The following EFNA5 variants were observed in gnomAD, a reference collection of about 807,000 sequenced individuals.
EFNA5 encodes the protein ephrin A5.
In EFNA5, 5 loss-of-function variants were observed where a neutral mutation model predicts 22.9. The ratio of observed to expected loss-of-function variants is 0.22; its 90% CI spans 0.11 to 0.46. The LOEUF (loss-of-function observed/expected upper bound fraction) is 0.46. EFNA5 is among the 20% of genes least tolerant of loss of function. The probability of loss-of-function intolerance (pLI) is 0.99; values close to 1 mark genes in which losing one functional copy is unlikely to be tolerated. For synonymous variants in EFNA5, 113 were observed against 112.2 expected (o/e 1.01, Z -0.04); for missense variants, 237 against 293.3 (o/e 0.81, Z 1.40).
chr5:107,495,830 C>T (rs75367075), intron 1 of EFNA5, among the ~76,000 whole-genome samples: 40 of 152,200 alleles, frequency 2.6e-4, no homozygotes, highest in African/African-American at 9.4e-4. Context: ...TGGTGTTGAC[C>T]GGGTTGCTGG....
chr5:107,622,571 C>T (rs1223101480), intron 1 of EFNA5, among the ~76,000 whole-genome samples: 1 of 152,142 alleles, frequency 6.6e-6, no homozygotes, highest in Non-Finnish European at 1.5e-5. Flanking sequence ...TGAATATCTC[C>T]ATTATGCTAC....
At chr5:107,670,407 T>C in intron 1 of EFNA5, 82 bp downstream of exon 1, 2 of 1,458,224 alleles carry the variant, frequency 1.4e-6, no homozygotes, top group South Asian at 1.4e-5. Context: ...CAGCGGTTGG[T>C]GCGCGCCGAT....
At chr5:107,497,670 G>A (rs976614708) in intron 1 of EFNA5, among the ~76,000 whole-genome samples, 5 of 152,128 alleles carry the variant, frequency 3.3e-5, no homozygotes, top group African/African-American at 1.2e-4. Context: ...CCACCTCTGT[G>A]GGGACCATTA....
chr5:107,553,746 A>G (rs1366231197), intron 1 of EFNA5, among the ~76,000 whole-genome samples: 1 of 152,202 alleles, frequency 6.6e-6, no homozygotes, highest in Admixed American at 6.5e-5. Flanking sequence ...TGAGATGTTG[A>G]TTCCTTTTAT....
At chr5:107,562,535 T>A (rs1056673462) in intron 1 of EFNA5, among the ~76,000 whole-genome samples, 1 of 152,174 alleles carries the variant, frequency 6.6e-6, no homozygotes, top group Non-Finnish European at 1.5e-5. Flanking sequence ...AGTTTGAATA[T>A]AGTATAATTG....
At chr5:107,583,640 A>C (rs2112496448) in intron 1 of EFNA5, among the ~76,000 whole-genome samples, 1 of 152,298 alleles carries the variant, frequency 6.6e-6, no homozygotes, top group African/African-American at 2.4e-5. Context: ...GCAAAGACAG[A>C]GTGGACACAA....
chr5:107,640,329 T>C (rs1249808180), intron 1 of EFNA5, among the ~76,000 whole-genome samples: 1 of 151,938 alleles, frequency 6.6e-6, no homozygotes, highest in Non-Finnish European at 1.5e-5. Flanking sequence ...ATTATATCAA[T>C]GTTAAGAGAA....
intron 1 of EFNA5, among the ~76,000 whole-genome samples, chr5:107,634,639 T>A (rs1285240032): frequency 6.8e-6 from 1 of 146,302 alleles, no homozygotes; most frequent in African/African-American, 2.4e-5. Context: ...CAGTATCTGA[T>A]ATCAGGTGGA....
At chr5:107,668,135 T>C (rs1042904226) in intron 1 of EFNA5, among the ~76,000 whole-genome samples, 2 of 152,238 alleles carry the variant, frequency 1.3e-5, no homozygotes, top group Admixed American at 6.5e-5. Context: ...GTTAGGGCTG[T>C]ATCTCTTGGG....
At chr5:107,597,229 G>A (rs535011672) in intron 1 of EFNA5, among the ~76,000 whole-genome samples, 17 of 152,184 alleles carry the variant, frequency 1.1e-4, no homozygotes, top group African/African-American at 4.1e-4. Context: ...ATTAGCTATC[G>A]AAGTGAAATT....
rs1298672817 is a variant in EFNA5 at position 107,670,577 on chromosome 5, C to A, written c.37G>T (p.Val13Leu). The A allele has an allele frequency of 5.6e-6, 9 of 1,602,590 alleles. No individual in the cohort carries two copies. The highest frequency in any genetic ancestry group is 7.7e-6 in the Non-Finnish European group (9 of 1,175,100). The change falls in exon 1 of 5, where the codon GTG (valine) becomes TTG (leucine). Residue 13 changes from valine (V) to leucine (L), a missense_variant. By Grantham distance (32) the Val-to-Leu change is conservative. Transcript: ENST00000333274. ...HVEMLTLVFLVLWMCVFSQDP... is the reference protein window; with the variant it reads ...HVEMLTLVFLLLWMCVFSQDP... Reference sequence around the variant, plus strand: ...TGGCTGAACACACACATCCAGAGCACCAGAAACACCAGCGTCAACATCTCC... The same window carrying A: ...TGGCTGAACACACACATCCAGAGCAACAGAAACACCAGCGTCAACATCTCC...
At chr5:107,668,324 G>A (rs1751116812) in intron 1 of EFNA5, among the ~76,000 whole-genome samples, 1 of 152,234 alleles carries the variant, frequency 6.6e-6, no homozygotes, top group African/African-American at 2.4e-5. Flanking sequence ...ATCCTGAGCA[G>A]AAGAGTTTTC....
chr5:107,468,305 T>A (rs1750047119), intron 1 of EFNA5, among the ~76,000 whole-genome samples: 1 of 152,228 alleles, frequency 6.6e-6, no homozygotes, highest in South Asian at 2.1e-4. Context: ...TTGGAAATAG[T>A]CACCCTTAGG....
At chr5:107,388,808 T>A (rs1747710149) in intron 2 of EFNA5, among the ~76,000 whole-genome samples, 1 of 152,206 alleles carries the variant, frequency 6.6e-6, no homozygotes, top group Admixed American at 6.5e-5. Flanking sequence ...ACAATTAGTT[T>A]GGCAATACCC....
chr5:107,614,384 T>C (rs919980148), intron 1 of EFNA5, among the ~76,000 whole-genome samples: 1 of 152,190 alleles, frequency 6.6e-6, no homozygotes, highest in Non-Finnish European at 1.5e-5. Flanking sequence ...TTTTAAAGAA[T>C]GTCAAATCAT....
chr5:107,592,295 T>G (rs1749387420), intron 1 of EFNA5, among the ~76,000 whole-genome samples: 1 of 151,254 alleles, frequency 6.6e-6, no homozygotes, highest in African/African-American at 2.4e-5. Flanking sequence ...AAAATAAGTT[T>G]GTATAAACTT....
Position 107,381,192 on chromosome 5 carries a change from G to C in EFNA5, c.*63C>G, listed in dbSNP as rs1490659415. ...AGTCCCTTCTTAGGATGAGCAGTTAGGTGGATCTCTGGTGTTCCAAGACCC... is the reference window on the plus strand; with the variant it reads ...AGTCCCTTCTTAGGATGAGCAGTTACGTGGATCTCTGGTGTTCCAAGACCC... On this transcript the variant is annotated 3_prime_UTR_variant, in exon 5 of 5. Coordinates refer to ENST00000333274, the MANE Select transcript of EFNA5 (RefSeq NM_001962.3). 1.9e-6 allele frequency: 3 copies of C among 1,549,520 alleles called. No homozygotes were observed. The highest frequency in any genetic ancestry group is 2.6e-6 in the Non-Finnish European group (3 of 1,135,938).
chr5:107,429,886 A>C (rs948834472), intron 1 of EFNA5, among the ~76,000 whole-genome samples: 3 of 152,244 alleles, frequency 2.0e-5, no homozygotes, highest in African/African-American at 7.2e-5. Flanking sequence ...AAAATCCAAA[A>C]GGAAAATCAT....
intron 1 of EFNA5, among the ~76,000 whole-genome samples, chr5:107,640,367 T>G (rs990809634): frequency 3.3e-5 from 5 of 152,216 alleles, no homozygotes; most frequent in African/African-American, 1.2e-4. Flanking sequence ...AGTCAATTAA[T>G]AGCTAAGCAT....
Sources: gnomAD v4.1 joint callset for allele counts (sites outside exome capture counted in the v4.1 genomes callset) on GRCh38, gnomAD v4.1.1 for gene constraint, MANE v1.5 for transcripts, NCBI Gene and HGNC (gene_info 2026-07-23, HGNC 2026-07-21) for gene names.